The following LRP6 variants were observed in gnomAD, a reference collection of about 807,000 sequenced individuals.
The protein encoded by LRP6 is low-density lipoprotein receptor-related protein 6.
A neutral mutation model predicts 184.1 loss-of-function variants in LRP6; 43 were observed. That is an observed-to-expected ratio of 0.23 (90% confidence interval 0.18 to 0.30). The LOEUF (loss-of-function observed/expected upper bound fraction) is 0.30, where lower values mean the gene tolerates loss of function less well. LRP6 is among the 10% of genes least tolerant of loss of function. The pLI is 1.00. For missense variants in LRP6, 1,571 were observed against 2,005.3 expected (o/e 0.78, Z 4.14); for synonymous variants, 719 against 684.9 (o/e 1.05, Z -0.78).
intron 7 of LRP6, among the ~76,000 whole-genome samples, chr12:12,170,832 C>CA (rs1491110353): frequency 8.2e-6 from 1 of 122,386 alleles, no homozygotes; most frequent in African/African-American, 2.8e-5. Context: ...CACACACACA[C>CA]GTCTTAGATG....
chr12:12,244,211 G>A (rs1221699088), intron 2 of LRP6, 51 bp downstream of exon 2: 1 of 1,601,016 alleles, frequency 6.2e-7, no homozygotes, highest in African/African-American at 1.3e-5. Context: ...TGTCAGTGGA[G>A]AAAAACCGAA....
At chr12:12,139,605 T>C (rs186799273) in intron 15 of LRP6, among the ~76,000 whole-genome samples, 14 of 152,104 alleles carry the variant, frequency 9.2e-5, no homozygotes, top group Admixed American at 1.3e-4. Flanking sequence ...GCGCCTGTAG[T>C]CCAGGTACTC....
intron 1 of LRP6, among the ~76,000 whole-genome samples, chr12:12,266,276 G>C (rs944833108): frequency 6.6e-6 from 1 of 152,150 alleles, no homozygotes; most frequent in Non-Finnish European, 1.5e-5. Context: ...GCGGGGCTTC[G>C]ATGGATAAGG....
chr12:12,240,284 C>A (rs1429467733), intron 2 of LRP6, among the ~76,000 whole-genome samples: 1 of 152,078 alleles, frequency 6.6e-6, no homozygotes, highest in African/African-American at 2.4e-5. Context: ...CAAAAAGAAT[C>A]TTTTTATGGC....
intron 14 of LRP6, 148 bp from the exon 15 acceptor site, chr12:12,147,704 G>C (rs561918555): frequency 2.9e-6 from 2 of 684,346 alleles, no homozygotes; most frequent in South Asian, 1.8e-5. Flanking sequence ...AGGCACAGTG[G>C]CTCATGCCTG....
intron 15 of LRP6, among the ~76,000 whole-genome samples, chr12:12,144,314 T>C (rs1949973303): frequency 1.3e-5 from 2 of 152,132 alleles, no homozygotes; most frequent in Non-Finnish European, 2.9e-5. Flanking sequence ...ACAAAATTAA[T>C]TGTAATGAAT....
chr12:12,142,796 G>A (rs1949952977), intron 15 of LRP6, among the ~76,000 whole-genome samples: 1 of 152,040 alleles, frequency 6.6e-6, no homozygotes, highest in African/African-American at 2.4e-5. Flanking sequence ...CAGTAAACTG[G>A]GGAAAGTAAG....
chr12:12,244,257 CT>C lies in LRP6; in HGVS notation c.449+4del. The C allele has an allele frequency of 6.2e-7, 1 of 1,614,102 alleles. No homozygotes were observed. The highest frequency in any genetic ancestry group is 8.5e-7 in the Non-Finnish European group (1 of 1,180,004). ...ATGATCTTCGTACACTGTACAAAAA[CT>C]TACCCACTTGAAGGATCTAAGGCAA... On this transcript the variant is annotated splice_donor_region_variant and intron_variant, in intron 2 of 22. Transcript: ENST00000261349.
chr12:12,153,542 T>C (rs985690972), intron 12 of LRP6, among the ~76,000 whole-genome samples: 4 of 152,144 alleles, frequency 2.6e-5, no homozygotes, highest in African/African-American at 9.7e-5. Context: ...TCCAAATAAA[T>C]ACCTGCTCCA....
intron 7 of LRP6, among the ~76,000 whole-genome samples, chr12:12,168,126 G>A (rs971590068): frequency 6.6e-6 from 1 of 151,904 alleles, no homozygotes; most frequent in Non-Finnish European, 1.5e-5. Flanking sequence ...TCACCTCCCC[G>A]CAAATCAAAC....
chr12:12,158,333 C>CT lies in LRP6; in HGVS notation c.2791+495dup, dbSNP rs141696010. On this transcript the variant is annotated intron_variant, in intron 12 of 22. Coordinates refer to ENST00000261349, the MANE Select transcript of LRP6 (RefSeq NM_002336.3). Reference sequence around the variant, plus strand: ...CCAAGGGTAAAAGACTTAATTTTTCCTTTTTTTTTGAAGAAAGAATCTCTC... The same window carrying CT: ...CCAAGGGTAAAAGACTTAATTTTTCCTTTTTTTTTTGAAGAAAGAATCTCTC... 6.6e-3 allele frequency among the ~76,000 whole-genome samples: 988 copies of CT among 150,694 alleles called. 11 individuals are homozygous for CT. The highest frequency in any genetic ancestry group is 0.022 in the African/African-American group (896 of 41,106).
In LRP6 at chr12:12,131,749, G is replaced by T. The variant is rs139915162; in HGVS notation, c.3970+72C>A. The T allele has an allele frequency of 3.0e-4, 381 of 1,274,784 alleles. No individual in the cohort carries two copies. The African/African-American group carries it at 4.8e-3, about 16-fold the overall frequency. 79.0% of individuals were successfully genotyped at this position (1,274,784 alleles called of 1,614,324 possible). On this transcript the variant is annotated intron_variant, in intron 18 of 22. Coordinates refer to ENST00000261349, the MANE Select transcript of LRP6 (RefSeq NM_002336.3). ...AAAACCCCAACTGACACTAAGCCAA[G>T]TAATACTGAAGTTTAAACAACTGAA...
chr12:12,201,607 C>T (rs1444031341), intron 3 of LRP6, among the ~76,000 whole-genome samples: 1 of 152,088 alleles, frequency 6.6e-6, no homozygotes, highest in Non-Finnish European at 1.5e-5. Context: ...TCTAGTTGTG[C>T]TTTCAAATGA....
At chr12:12,265,292 C>A (rs767096577) in intron 1 of LRP6, among the ~76,000 whole-genome samples, 3 of 152,164 alleles carry the variant, frequency 2.0e-5, no homozygotes, top group Non-Finnish European at 4.4e-5. Flanking sequence ...ATGAACACTA[C>A]CTTTCCGGGG....
intron 3 of LRP6, among the ~76,000 whole-genome samples, chr12:12,198,681 G>C (rs1591938347): frequency 6.6e-6 from 1 of 151,830 alleles, no homozygotes; most frequent in East Asian, 1.9e-4. Context: ...TTACAGGCGT[G>C]CATCACCACG....
intron 15 of LRP6, among the ~76,000 whole-genome samples, chr12:12,143,708 C>T (rs976348310): frequency 6.6e-6 from 1 of 152,182 alleles, no homozygotes; most frequent in African/African-American, 2.4e-5. Flanking sequence ...CTGCCTCACA[C>T]TACACACCAA....
At chr12:12,192,073 G>C (rs1385622279) in intron 3 of LRP6, among the ~76,000 whole-genome samples, 1 of 151,868 alleles carries the variant, frequency 6.6e-6, no homozygotes, top group African/African-American at 2.4e-5. Flanking sequence ...ACAGACATAA[G>C]ATTGTATAAA....
chr12:12,138,223 T>A, intron 16 of LRP6, 102 bp downstream of exon 16: 2 of 1,151,120 alleles, frequency 1.7e-6, no homozygotes, highest in Non-Finnish European at 2.6e-6. Flanking sequence ...TAAAAGTGCA[T>A]GAAAGTCTTC....
chr12:12,249,674 AG>A (rs1225336415), intron 1 of LRP6, among the ~76,000 whole-genome samples: 2 of 5,422 alleles, frequency 3.7e-4, no homozygotes, highest in African/African-American at 2.7e-4. Flanking sequence ...CTATAACAGA[AG>A]GAAGGAAGGA....
Sources: gnomAD v4.1 joint callset for allele counts (sites outside exome capture counted in the v4.1 genomes callset) on GRCh38, gnomAD v4.1.1 for gene constraint, MANE v1.5 for transcripts, NCBI Gene and HGNC (gene_info 2026-07-23, HGNC 2026-07-21) for gene names.